The following GDPD4 variants were observed in gnomAD, a reference collection of about 807,000 sequenced individuals.
The protein encoded by GDPD4 is glycerophosphodiester phosphodiesterase 6.
GDPD4 carries 60 observed loss-of-function variants against 67.8 expected under a neutral mutation model. That is an observed-to-expected ratio of 0.88 (90% CI 0.72 to 1.10). The LOEUF (loss-of-function observed/expected upper bound fraction) is 1.10, where lower values mean the gene tolerates loss of function less well. Ranked by LOEUF, GDPD4 falls within the 50% of genes least tolerant of loss-of-function variation. The pLI is 0.00. For missense variants in GDPD4, 623 were observed against 613.9 expected, an observed-to-expected ratio of 1.01 and a Z score of -0.16; for synonymous variants, 212 against 210.9, an observed-to-expected ratio of 1.00 and a Z score of -0.04.
intron 15 of GDPD4, 135 bp downstream of exon 15, chr11:77,229,015 G>A: frequency 1.8e-6 from 1 of 556,844 alleles, no homozygotes; most frequent in Non-Finnish European, 3.2e-6. Flanking sequence ...GACTACATGA[G>A]AAGAGAGATT....
chr11:77,241,764 G>T (rs1166439961), intron 13 of GDPD4, among the ~76,000 whole-genome samples: 1 of 151,284 alleles, frequency 6.6e-6, no homozygotes, highest in Non-Finnish European at 1.5e-5. Context: ...CCAACATGGT[G>T]AAACCCCATC....
At position 77,243,747 on chromosome 11, in the gene GDPD4, G is replaced by GT. The variant is rs752578399; in HGVS notation, c.1187dup (p.Asn396LysfsTer9). On this transcript the variant is annotated frameshift_variant, in exon 13 of 17. Coordinates refer to ENST00000315938, the MANE Select transcript of GDPD4 (RefSeq NM_182833.3). LOFTEE classifies it high-confidence loss of function. ...AGTCAACATTTATTATACTGATATT[G>GT]TTTTTAGCAAGGGTTTCAATGGATA... is the stretch of plus-strand genomic sequence containing the variant. 2.4e-5 allele frequency: 39 copies of GT among 1,611,768 alleles called. No homozygotes were observed. In the Middle Eastern group the frequency reaches 9.9e-4, roughly 41 times the overall value.
chr11:77,285,063 A>T (rs762660147), intron 3 of GDPD4, 22 bp downstream of exon 3: 3 of 1,581,268 alleles, frequency 1.9e-6, no homozygotes, highest in Non-Finnish European at 2.6e-6. Context: ...ACACAAATGA[A>T]ACTACAAAAA....
intron 1 of GDPD4, among the ~76,000 whole-genome samples, chr11:77,299,062 C>T (rs1379883714): frequency 6.6e-6 from 1 of 151,996 alleles, no homozygotes. Flanking sequence ...TTAGTCCTCA[C>T]ACTGGCCTCA....
chr11:77,224,399 A>G (rs992178440), intron 16 of GDPD4: 4 of 152,216 alleles, frequency 2.6e-5, no homozygotes, highest in African/African-American at 9.6e-5. Flanking sequence ...AATTACTCCA[A>G]TGATTTACAT....
chr11:77,245,548 C>A, intron 11 of GDPD4, 46 bp from the exon 12 acceptor site: 3 of 1,354,436 alleles, frequency 2.2e-6, no homozygotes, highest in South Asian at 1.2e-5. Context: ...CTTTCCAGTT[C>A]TCCTACTATG....
At chr11:77,259,090 T>C (rs1959062938) in intron 10 of GDPD4, among the ~76,000 whole-genome samples, 1 of 152,216 alleles carries the variant, frequency 6.6e-6, no homozygotes, top group South Asian at 2.1e-4. Context: ...GTGATTCTTC[T>C]GCCTCAGCCT....
At chr11:77,297,342 C>T (rs1938007757) in intron 1 of GDPD4, among the ~76,000 whole-genome samples, 2 of 151,482 alleles carry the variant, frequency 1.3e-5, no homozygotes, top group African/African-American at 4.8e-5. Context: ...GTCAGGAGAT[C>T]AAGACCACGG....
At chr11:77,235,018 T>TTTTTTTGTTG (rs1555115897) in intron 13 of GDPD4, among the ~76,000 whole-genome samples, 29 of 129,232 alleles carry the variant, frequency 2.2e-4, no homozygotes, top group Non-Finnish European at 4.9e-4. Flanking sequence ...TGTTTTTTTT[T>TTTTTTTGTTG]TTTTTTTTTT....
rs570301553 is a variant in GDPD4, at chr11:77,258,810, A to G, written c.708-268T>C. ...TATTCAGGGGCTTTCTGGCATTAGGAAAACAGCAGGCACAGTAGTGGCCTG... is the reference window on the plus strand; with the variant it reads ...TATTCAGGGGCTTTCTGGCATTAGGGAAACAGCAGGCACAGTAGTGGCCTG... On this transcript the variant is annotated intron_variant, in intron 10 of 16. Transcript: ENST00000315938. Among the ~76,000 whole-genome samples, 13 of 152,258 alleles carry G rather than the reference A, an allele frequency of 8.5e-5. No homozygotes were observed. The East Asian group carries it at 1.4e-3, about 16-fold the overall frequency.
chr11:77,291,705 TAG>T (rs1211502155), intron 1 of GDPD4, among the ~76,000 whole-genome samples: 1 of 152,246 alleles, frequency 6.6e-6, no homozygotes, highest in African/African-American at 2.4e-5. Flanking sequence ...TCCATCAGCA[TAG>T]ACATTTACAT....
At chr11:77,296,710 G>A (rs1473955344) in intron 1 of GDPD4, among the ~76,000 whole-genome samples, 1 of 151,974 alleles carries the variant, frequency 6.6e-6, no homozygotes, top group Non-Finnish European at 1.5e-5. Context: ...CATTCAGTTG[G>A]TTTAGTAAAT....
chr11:77,259,504 A>AAAT (rs1959070292), intron 10 of GDPD4, among the ~76,000 whole-genome samples: 2 of 152,258 alleles, frequency 1.3e-5, no homozygotes, highest in South Asian at 4.2e-4. Context: ...AAAATAAAGG[A>AAAT]AATAACTATT....
chr11:77,266,108 C>G (rs1231021861), intron 10 of GDPD4, among the ~76,000 whole-genome samples: 1 of 152,102 alleles, frequency 6.6e-6, no homozygotes, highest in Non-Finnish European at 1.5e-5. Context: ...ACAAATAAAA[C>G]AGCTATGAAA....
intron 11 of GDPD4, among the ~76,000 whole-genome samples, chr11:77,257,593 A>ACACACC (rs1565526840): frequency 2.5e-5 from 3 of 121,792 alleles, no homozygotes; most frequent in Non-Finnish European, 3.5e-5. Flanking sequence ...ACACACACAC[A>ACACACC]CCCTGTTGCT....
Position 77,233,041 on chromosome 11 carries a change from T to TG in GDPD4, c.1372dup (p.His458ProfsTer39). On this transcript the variant is annotated frameshift_variant, in exon 14 of 17. Transcript: ENST00000315938. LOFTEE classifies it high-confidence loss of function. The stretch of plus-strand genomic sequence containing the variant: ...CCAGCTCACCATGAAGAAGTGAGGG[T>TG]GATCAAGCTGACTCAGGAGCCCAAT... 1 of 1,613,818 alleles carries TG rather than the reference T, an allele frequency of 6.2e-7. No homozygotes were observed. The highest frequency in any genetic ancestry group is 8.5e-7 in the Non-Finnish European group (1 of 1,179,806).
chr11:77,258,227 A>C (rs1444184652), intron 11 of GDPD4, among the ~76,000 whole-genome samples, 159 bp downstream of exon 11: 1 of 152,222 alleles, frequency 6.6e-6, no homozygotes, highest in African/African-American at 2.4e-5. Context: ...TTCATTACTG[A>C]AAAAGCCCTC....
Position 77,268,938 on chromosome 11 carries a change from T to C in GDPD4, c.610A>G (p.Arg204Gly), listed in dbSNP as rs766670617. The change falls in exon 9 of 17, where the codon AGA becomes GGA. Residue 204 changes from arginine to glycine, a missense_variant. Coordinates refer to ENST00000315938, the MANE Select transcript of GDPD4 (RefSeq NM_182833.3). ...CTCAGACCTACCATGGGTGCACCTCTATGTCCAAAGATGGTTGGCTTGGGC... is the reference window on the plus strand; with the variant it reads ...CTCAGACCTACCATGGGTGCACCTCCATGTCCAAAGATGGTTGGCTTGGGC... ...LGPKPTIFGHRGAPMLGPENT... is the reference protein window; with the variant it reads ...LGPKPTIFGHGGAPMLGPENT... 1 of 1,614,108 alleles carries C rather than the reference T, an allele frequency of 6.2e-7. No homozygotes were observed. The highest frequency in any genetic ancestry group is 1.1e-5 in the South Asian group (1 of 91,078).
chr11:77,280,362 G>A (rs1959703731), intron 3 of GDPD4, among the ~76,000 whole-genome samples: 1 of 151,726 alleles, frequency 6.6e-6, no homozygotes, highest in Admixed American at 6.6e-5. Context: ...AACAAGAATA[G>A]GATGTTTTAA....
Sources: allele counts gnomAD v4.1 joint callset (sites outside exome capture counted in the v4.1 genomes callset), GRCh38; gene constraint gnomAD v4.1.1; transcripts MANE v1.5; gene names NCBI Gene and HGNC (gene_info 2026-07-23, HGNC 2026-07-21).